The following PLCB4 variants were observed in gnomAD, a reference collection of about 807,000 sequenced individuals.
The protein encoded by PLCB4 is phospholipase C beta 4.
In PLCB4, 77 loss-of-function variants were observed where a neutral mutation model predicts 178.8. The ratio of observed to expected loss-of-function variants is 0.43; its 90% confidence interval spans 0.36 to 0.52. PLCB4 has a LOEUF of 0.52. Ranked by LOEUF, PLCB4 falls within the 20% of genes least tolerant of loss-of-function variation. PLCB4 has a pLI of 0.00. For missense variants in PLCB4, 1,024 were observed against 1,453.4 expected (o/e 0.70, Z 4.80); for synonymous variants, 496 against 490.8 (o/e 1.01, Z -0.14).
intron 5 of PLCB4, among the ~76,000 whole-genome samples, chr20:9,337,711 GATT>G (rs1166405824): frequency 2.0e-5 from 3 of 151,942 alleles, no homozygotes; most frequent in East Asian, 1.9e-4. Flanking sequence ...TGTATTTAAT[GATT>G]ATTAACAATG....
chr20:9,453,464 T>G lies in PLCB4; in HGVS notation c.2996+2T>G. The G allele has an allele frequency of 1.1e-5, 15 of 1,399,282 alleles. No individual in the cohort carries two copies. Among genetic ancestry groups the G allele is most frequent in the Non-Finnish European group, 1.3e-5 (13 of 987,886 alleles). The allele number at this position is 1,399,282 out of a possible 1,614,324, so 86.7% of individuals were successfully genotyped here. On this transcript the variant is annotated splice_donor_variant, in intron 33 of 39. Coordinates refer to ENST00000378473, the MANE Select transcript of PLCB4 (RefSeq NM_001377142.1). LOFTEE classifies it high-confidence loss of function. ...AGAGAAGGCAATGAAGAAGAAGGGGTAATACTGTTTATTTCCTTCTGAAGA... is the reference window on the plus strand; with the variant it reads ...AGAGAAGGCAATGAAGAAGAAGGGGGAATACTGTTTATTTCCTTCTGAAGA...
intron 2 of PLCB4, among the ~76,000 whole-genome samples, chr20:9,213,084 A>T (rs2093689531): frequency 6.7e-6 from 1 of 149,188 alleles, no homozygotes; most frequent in Admixed American, 6.7e-5. Context: ...ACATGGGAAC[A>T]TACCATATGT....
At chr20:9,292,051 GA>G (rs35727832) in intron 3 of PLCB4, among the ~76,000 whole-genome samples, 12 of 152,090 alleles carry the variant, frequency 7.9e-5, no homozygotes, top group Admixed American at 7.2e-4. Context: ...ATTTTAATGA[GA>G]AAATAGTTTT....
chr20:9,429,764 A>C (rs767796806), intron 28 of PLCB4, among the ~76,000 whole-genome samples: 1 of 152,208 alleles, frequency 6.6e-6, no homozygotes. Context: ...GAGAAACTGA[A>C]TTACAATGAA....
intron 3 of PLCB4, among the ~76,000 whole-genome samples, chr20:9,306,049 C>T (rs1477546876): frequency 1.3e-5 from 2 of 152,118 alleles, no homozygotes; most frequent in African/African-American, 2.4e-5. Context: ...GTTTCAGAAA[C>T]GTTCTTCTAC....
chr20:9,440,869 G>C (rs537082272), intron 30 of PLCB4, among the ~76,000 whole-genome samples: 10 of 152,294 alleles, frequency 6.6e-5, no homozygotes, highest in African/African-American at 1.9e-4. Flanking sequence ...TAAAAAGCTT[G>C]CTTGGTAGGT....
intron 1 of PLCB4, among the ~76,000 whole-genome samples, chr20:9,095,105 C>T (rs1290267053): frequency 6.6e-6 from 1 of 152,158 alleles, no homozygotes; most frequent in East Asian, 1.9e-4. Flanking sequence ...TAAGCTTAGC[C>T]AAGAAGAGTG....
intron 7 of PLCB4, among the ~76,000 whole-genome samples, chr20:9,358,243 G>A (rs1443928693): frequency 3.9e-5 from 6 of 152,162 alleles, no homozygotes; most frequent in Non-Finnish European, 8.8e-5. Flanking sequence ...GATGCTGCTG[G>A]TCCCCAGACT....
intron 2 of PLCB4, among the ~76,000 whole-genome samples, chr20:9,200,745 C>T (rs547251933): frequency 6.6e-6 from 1 of 152,244 alleles, no homozygotes; most frequent in Admixed American, 6.5e-5. Context: ...TCCTCTTCCT[C>T]TCAGTCTTCT....
At chr20:9,089,575 C>T (rs2090585773) in intron 1 of PLCB4, among the ~76,000 whole-genome samples, 1 of 152,160 alleles carries the variant, frequency 6.6e-6, no homozygotes, top group East Asian at 1.9e-4. Context: ...AATCAGCTCA[C>T]TTAATTTTCT....
intron 2 of PLCB4, among the ~76,000 whole-genome samples, chr20:9,102,581 G>T (rs1046351723): frequency 6.6e-6 from 1 of 152,092 alleles, no homozygotes; most frequent in Non-Finnish European, 1.5e-5. Context: ...TACCTGTAAG[G>T]TTATTAATGG....
chr20:9,415,493 C>T (rs768185808), intron 25 of PLCB4, among the ~76,000 whole-genome samples: 16 of 152,308 alleles, frequency 1.1e-4, no homozygotes, highest in Middle Eastern at 6.8e-3. Flanking sequence ...CTTATGACCC[C>T]ATTTTCTCAT....
intron 3 of PLCB4, among the ~76,000 whole-genome samples, chr20:9,293,575 C>T (rs947459948): frequency 6.6e-6 from 1 of 152,042 alleles, no homozygotes; most frequent in African/African-American, 2.4e-5. Flanking sequence ...TCCTTTCTGC[C>T]TTGATTTGTT....
chr20:9,116,153 G>A (rs930748828), intron 2 of PLCB4, among the ~76,000 whole-genome samples: 8 of 151,888 alleles, frequency 5.3e-5, no homozygotes, highest in Non-Finnish European at 1.2e-4. Flanking sequence ...GTGCGCGTGT[G>A]TGTGTGTGTG....
intron 9 of PLCB4, chr20:9,370,945 CA>C (rs2036202217): frequency 2.8e-6 from 1 of 352,182 alleles, no homozygotes; most frequent in Non-Finnish European, 5.2e-6. Flanking sequence ...TGTGTCCCTC[CA>C]GTGCCGCTTG....
At chr20:9,228,146 G>A (rs1408595148) in intron 3 of PLCB4, among the ~76,000 whole-genome samples, 1 of 152,200 alleles carries the variant, frequency 6.6e-6, no homozygotes. Context: ...AAATGTATGA[G>A]CTTCTCATTT....
At chr20:9,151,042 T>A (rs1229116781) in intron 2 of PLCB4, among the ~76,000 whole-genome samples, 1 of 152,226 alleles carries the variant, frequency 6.6e-6, no homozygotes, top group South Asian at 2.1e-4. Context: ...TCTAAACAAA[T>A]ACAGTAGGCC....
At chr20:9,392,136 C>G (rs1412657198) in intron 17 of PLCB4, among the ~76,000 whole-genome samples, 1 of 152,176 alleles carries the variant, frequency 6.6e-6, no homozygotes, top group Non-Finnish European at 1.5e-5. Flanking sequence ...TCACTGTATT[C>G]TTAGTGAAGT....
At chr20:9,476,211 A>G (rs928164036) in intron 38 of PLCB4, among the ~76,000 whole-genome samples, 1 of 152,184 alleles carries the variant, frequency 6.6e-6, no homozygotes, top group Admixed American at 6.5e-5. Context: ...TTTGTAAGCC[A>G]CTTTATGTCC....
Sources: allele counts gnomAD v4.1 joint callset (sites outside exome capture counted in the v4.1 genomes callset), GRCh38; gene constraint gnomAD v4.1.1; transcripts MANE v1.5; gene names NCBI Gene and HGNC (gene_info 2026-07-23, HGNC 2026-07-21).